Variants in FGF12 observed in about 807,000 individuals in gnomAD.
FGF12 encodes fibroblast growth factor 12, also known as fibroblast growth factor 12B.
In FGF12, 14 loss-of-function variants were observed where a neutral mutation model predicts 23.6. The observed-to-expected ratio is 0.59, with a 90% CI of 0.39 to 0.93. FGF12 has a LOEUF of 0.93. Among genes scored for constraint, FGF12 ranks in the 40% least tolerant of loss-of-function variants. The probability of loss-of-function intolerance (pLI) is 0.00; values close to 1 mark genes in which losing one functional copy is unlikely to be tolerated. For missense variants in FGF12, 175 were observed against 217.8 expected, an observed-to-expected ratio of 0.80 and a Z score of 1.24; for synonymous variants, 62 against 77.3, an observed-to-expected ratio of 0.80 and a Z score of 1.04.
At chr3:192,452,613 G>C (rs983539378) in intron 2 of FGF12, among the ~76,000 whole-genome samples, 1 of 152,110 alleles carries the variant, frequency 6.6e-6, no homozygotes, top group African/African-American at 2.4e-5. Flanking sequence ...ATTTTATGCT[G>C]CATTGGCCAA....
In FGF12 at chr3:192,457,595, G is replaced by A. The variant is rs192552489; in HGVS notation, c.14-97057C>T. Among the ~76,000 whole-genome samples, 36 of 152,244 alleles carry A rather than the reference G, an allele frequency of 2.4e-4. No individual in the cohort carries two copies. The East Asian group carries it at 4.6e-3, about 20-fold the overall frequency. ...GAGAGAGATGATTTAGGTATCTGGC[G>A]GAAGAAATTTTTAAACAGCAAAAGC... is the stretch of plus-strand genomic sequence containing the variant. On this transcript the variant is annotated intron_variant, in intron 2 of 5. Coordinates refer to ENST00000445105, the MANE Select transcript of FGF12 (RefSeq NM_004113.6).
intron 2 of FGF12, among the ~76,000 whole-genome samples, chr3:192,563,658 CAAAG>C (rs775529864): frequency 5.9e-5 from 9 of 152,276 alleles, no homozygotes; most frequent in East Asian, 3.9e-4. Flanking sequence ...TGTCCTGAAA[CAAAG>C]AGAGAAATTC....
intron 2 of FGF12, among the ~76,000 whole-genome samples, chr3:192,389,017 T>C (rs1332092439): frequency 6.6e-6 from 1 of 152,082 alleles, no homozygotes; most frequent in African/African-American, 2.4e-5. Context: ...AATAAAAGGA[T>C]ACTCTTACAA....
chr3:192,476,499 T>A (rs1413967864), intron 2 of FGF12, among the ~76,000 whole-genome samples: 1 of 152,220 alleles, frequency 6.6e-6, no homozygotes, highest in African/African-American at 2.4e-5. Flanking sequence ...AATGAATTGA[T>A]CAATGGCATT....
chr3:192,639,431 C>T (rs1715707598), intron 2 of FGF12, among the ~76,000 whole-genome samples: 1 of 152,246 alleles, frequency 6.6e-6, no homozygotes, highest in Non-Finnish European at 1.5e-5. Context: ...TACCACAAGA[C>T]CCAGCAATCC....
chr3:192,382,115 G>C (rs1400461839), intron 2 of FGF12, among the ~76,000 whole-genome samples: 1 of 151,950 alleles, frequency 6.6e-6, no homozygotes, highest in East Asian at 1.9e-4. Context: ...TCCTGCCTCA[G>C]CCTCCTGAGT....
chr3:192,614,188 T>C (rs754500190), intron 2 of FGF12, among the ~76,000 whole-genome samples: 25 of 152,064 alleles, frequency 1.6e-4, no homozygotes, highest in Middle Eastern at 3.4e-3. Flanking sequence ...CCTTTTTTTT[T>C]CCTTTAATTG....
At chr3:192,287,172 C>A (rs1714499497) in intron 4 of FGF12, among the ~76,000 whole-genome samples, 1 of 151,954 alleles carries the variant, frequency 6.6e-6, no homozygotes, top group Non-Finnish European at 1.5e-5. Context: ...ATGTTTAGAT[C>A]TAATCACATC....
chr3:192,538,306 TA>T (rs1560143663), intron 2 of FGF12, among the ~76,000 whole-genome samples: 1 of 152,078 alleles, frequency 6.6e-6, no homozygotes, highest in African/African-American at 2.4e-5. Context: ...TAGCTAGAGA[TA>T]GGGGGTCTAG....
At chr3:192,611,274 G>A (rs1560168789) in intron 2 of FGF12, among the ~76,000 whole-genome samples, 3 of 152,020 alleles carry the variant, frequency 2.0e-5, no homozygotes, top group African/African-American at 4.8e-5. Flanking sequence ...GAGTATCCTT[G>A]AAAAGCATGT....
At chr3:192,564,647 G>GTGATCACA (rs1468059597) in intron 2 of FGF12, among the ~76,000 whole-genome samples, 3 of 152,276 alleles carry the variant, frequency 2.0e-5, no homozygotes, top group Admixed American at 2.0e-4. Flanking sequence ...ACAGAAACCA[G>GTGATCACA]TGATCACAGT....
intron 4 of FGF12, among the ~76,000 whole-genome samples, chr3:192,209,593 A>G (rs1343276976): frequency 6.6e-6 from 1 of 152,186 alleles, no homozygotes; most frequent in East Asian, 1.9e-4. Context: ...TGTCATTCTG[A>G]ATTTTCTAGC....
intron 2 of FGF12, among the ~76,000 whole-genome samples, chr3:192,363,394 G>C (rs1418544407): frequency 1.3e-5 from 2 of 152,042 alleles, no homozygotes; most frequent in Non-Finnish European, 2.9e-5. Flanking sequence ...TCCCCTGTTG[G>C]AGCCCTGGGA....
chr3:192,541,311 G>A (rs1725358561), intron 2 of FGF12, among the ~76,000 whole-genome samples: 1 of 151,970 alleles, frequency 6.6e-6, no homozygotes, highest in South Asian at 2.1e-4. Context: ...TTTTCTGATT[G>A]AAGTTACCAT....
intron 2 of FGF12, among the ~76,000 whole-genome samples, chr3:192,477,755 G>C (rs1368576628): frequency 1.3e-5 from 2 of 152,048 alleles, no homozygotes; most frequent in African/African-American, 2.4e-5. Flanking sequence ...GCATATGGTT[G>C]ATTTAAAAAT....
At chr3:192,522,978 A>C (rs2108846982) in intron 2 of FGF12, among the ~76,000 whole-genome samples, 1 of 152,352 alleles carries the variant, frequency 6.6e-6, no homozygotes, top group East Asian at 1.9e-4. Flanking sequence ...ACAGAGAGGG[A>C]GACCTACTTT....
intron 2 of FGF12, among the ~76,000 whole-genome samples, chr3:192,688,078 G>A (rs115881349): frequency 0.037 from 5,546 of 151,802 alleles, 360 homozygotes; most frequent in African/African-American, 0.13. Flanking sequence ...CTGAGCACAC[G>A]CACACCACTG....
At chr3:192,323,935 C>G (rs1233140323) in intron 4 of FGF12, among the ~76,000 whole-genome samples, 1 of 151,570 alleles carries the variant, frequency 6.6e-6, no homozygotes, top group Non-Finnish European at 1.5e-5. Flanking sequence ...TACTAAAATA[C>G]AAAAAAATTG....
chr3:192,272,194 T>A (rs772758701), intron 4 of FGF12, among the ~76,000 whole-genome samples: 1 of 152,148 alleles, frequency 6.6e-6, no homozygotes, highest in Admixed American at 6.6e-5. Context: ...CAAATTTTTT[T>A]AAAAAAGCAT....
Sources: allele counts gnomAD v4.1 joint callset (sites outside exome capture counted in the v4.1 genomes callset), GRCh38; gene constraint gnomAD v4.1.1; transcripts MANE v1.5; gene names NCBI Gene and HGNC (gene_info 2026-07-23, HGNC 2026-07-21).